Variants in VWC2 observed in about 807,000 individuals in gnomAD.
VWC2 encodes von Willebrand factor C domain containing 2.
In VWC2, 14 loss-of-function variants were observed where a neutral mutation model predicts 29.8. The observed-to-expected ratio is 0.47, with a 90% CI of 0.31 to 0.74. The LOEUF (loss-of-function observed/expected upper bound fraction) is 0.74. Among genes scored for constraint, VWC2 ranks in the 30% least tolerant of loss-of-function variants. The pLI is 0.05. For synonymous variants in VWC2, 213 were observed against 199.0 expected (o/e 1.07, Z -0.59); for missense variants, 457 against 459.8 (o/e 0.99, Z 0.05).
chr7:49,785,283 G>A (rs1178476732), intron 2 of VWC2, among the ~76,000 whole-genome samples: 1 of 152,190 alleles, frequency 6.6e-6, no homozygotes, highest in Non-Finnish European at 1.5e-5. Context: ...GGAAAGAGAT[G>A]TTTCGATACA....
chr7:49,819,216 CA>C (rs1789213408), intron 3 of VWC2, among the ~76,000 whole-genome samples: 1 of 152,214 alleles, frequency 6.6e-6, no homozygotes, highest in African/African-American at 2.4e-5. Context: ...TTACTCCATC[CA>C]GAATGCCTTA....
intron 3 of VWC2, among the ~76,000 whole-genome samples, chr7:49,878,445 A>G (rs972240963): frequency 1.3e-5 from 2 of 151,960 alleles, no homozygotes; most frequent in Admixed American, 6.6e-5. Flanking sequence ...AACTGTCTGT[A>G]TTTTCCTTTA....
intron 3 of VWC2, among the ~76,000 whole-genome samples, chr7:49,812,888 G>C (rs1369121968): frequency 1.3e-5 from 2 of 152,142 alleles, no homozygotes; most frequent in Non-Finnish European, 2.9e-5. Flanking sequence ...GGTTTGTTAG[G>C]TAGAAAGTCA....
chr7:49,857,755 TA>T (rs1230769872), intron 3 of VWC2, among the ~76,000 whole-genome samples: 1 of 152,118 alleles, frequency 6.6e-6, no homozygotes, highest in African/African-American at 2.4e-5. Context: ...CTCAACAAGT[TA>T]AAAACAGAGC....
chr7:49,854,946 A>C (rs975644212), intron 3 of VWC2, among the ~76,000 whole-genome samples: 1 of 152,232 alleles, frequency 6.6e-6, no homozygotes, highest in Non-Finnish European at 1.5e-5. Context: ...TCCAGGGTAG[A>C]GGGGCTGACA....
intron 3 of VWC2, among the ~76,000 whole-genome samples, chr7:49,830,891 G>A (rs1423473522): frequency 6.6e-6 from 1 of 152,066 alleles, no homozygotes; most frequent in African/African-American, 2.4e-5. Flanking sequence ...GTGTATATGT[G>A]CCACATTTTC....
intron 2 of VWC2, among the ~76,000 whole-genome samples, chr7:49,786,059 T>C (rs1341930328): frequency 1.3e-5 from 2 of 152,110 alleles, no homozygotes; most frequent in Admixed American, 1.3e-4. Flanking sequence ...GATGCTGAGG[T>C]TTGGGATAAG....
intron 3 of VWC2, among the ~76,000 whole-genome samples, chr7:49,881,479 C>T (rs1791661852): frequency 6.6e-6 from 1 of 152,154 alleles, no homozygotes; most frequent in South Asian, 2.1e-4. Flanking sequence ...CACCTCTACC[C>T]ATGCACAAAA....
intron 3 of VWC2, among the ~76,000 whole-genome samples, chr7:49,820,360 C>T (rs1316486628): frequency 6.6e-6 from 1 of 152,138 alleles, no homozygotes. Flanking sequence ...TGCTAAGACT[C>T]TCCCCTCTGG....
intron 3 of VWC2, among the ~76,000 whole-genome samples, chr7:49,903,695 T>G (rs963122781): frequency 6.6e-6 from 1 of 152,198 alleles, no homozygotes; most frequent in African/African-American, 2.4e-5. Flanking sequence ...TAGACGTATA[T>G]GCACATATTA....
chr7:49,778,216 A>T (rs1181117607), intron 2 of VWC2, among the ~76,000 whole-genome samples: 1 of 152,120 alleles, frequency 6.6e-6, no homozygotes, highest in Non-Finnish European at 1.5e-5. Flanking sequence ...CCTGTTTGGT[A>T]GTCCATAGGT....
chr7:49,826,184 T>G (rs947340435), intron 3 of VWC2, among the ~76,000 whole-genome samples: 2 of 152,232 alleles, frequency 1.3e-5, no homozygotes, highest in Non-Finnish European at 2.9e-5. Context: ...TAATTATTCC[T>G]TCTGTCTGGT....
chr7:49,842,245 A>G (rs1333104830), intron 3 of VWC2, among the ~76,000 whole-genome samples: 1 of 152,236 alleles, frequency 6.6e-6, no homozygotes, highest in African/African-American at 2.4e-5. Flanking sequence ...GTGGATATGC[A>G]TGAACTAGTA....
chr7:49,805,531 A>G (rs1788858031), intron 3 of VWC2, among the ~76,000 whole-genome samples: 1 of 152,180 alleles, frequency 6.6e-6, no homozygotes, highest in Non-Finnish European at 1.5e-5. Flanking sequence ...GGGTATTCTG[A>G]CCTTGACAGG....
At position 49,917,252 on chromosome 7, in the gene VWC2, T is replaced by C. The variant is rs1793772728; in HGVS notation, c.*5067T>C. 1 of 152,188 alleles carries C rather than the reference T, an allele frequency of 6.6e-6. No individual in the cohort carries two copies. Among genetic ancestry groups the C allele is most frequent in the Non-Finnish European group, 1.5e-5 (1 of 68,018 alleles). The allele number at this position is 152,188 out of a possible 1,614,324, so 9.4% of individuals were successfully genotyped here. ...GATGGTTGTTGAAATTTTACTGTAG[T>C]GTCAAATTTCACTTTAAATTTTGCA... is the stretch of plus-strand genomic sequence containing the variant. On this transcript the variant is annotated 3_prime_UTR_variant, in exon 4 of 4. Transcript: ENST00000340652.
chr7:49,882,985 C>T (rs948759316), intron 3 of VWC2, among the ~76,000 whole-genome samples: 1 of 152,032 alleles, frequency 6.6e-6, no homozygotes, highest in Non-Finnish European at 1.5e-5. Flanking sequence ...GTCTCCATTT[C>T]ATCTCTGCCC....
chr7:49,898,466 A>T (rs528630009), intron 3 of VWC2, among the ~76,000 whole-genome samples: 3 of 152,060 alleles, frequency 2.0e-5, no homozygotes, highest in Admixed American at 2.0e-4. Context: ...AAATCCCTCA[A>T]TATTTGTTTG....
chr7:49,830,584 A>T (rs1789502765), intron 3 of VWC2, among the ~76,000 whole-genome samples: 1 of 152,138 alleles, frequency 6.6e-6, no homozygotes, highest in Non-Finnish European at 1.5e-5. Flanking sequence ...TTTGTTACAT[A>T]TGTATACTTG....
chr7:49,793,669 A>T (rs1192187272), intron 2 of VWC2, among the ~76,000 whole-genome samples: 1 of 152,156 alleles, frequency 6.6e-6, no homozygotes. Context: ...CTATTATTCC[A>T]TCTGATTAAC....
Sources: allele counts gnomAD v4.1 joint callset (sites outside exome capture counted in the v4.1 genomes callset), GRCh38; gene constraint gnomAD v4.1.1; transcripts MANE v1.5; gene names NCBI Gene and HGNC (gene_info 2026-07-23, HGNC 2026-07-21).